The following CPLANE1 variants were observed in gnomAD, a reference collection of about 807,000 sequenced individuals.
CPLANE1 encodes ciliogenesis and planar polarity effector complex subunit 1.
CPLANE1 carries 263 observed loss-of-function variants against 362.5 expected under a neutral mutation model. That is an observed-to-expected ratio of 0.73 (90% CI 0.66 to 0.80). The LOEUF is 0.80. Among genes scored for constraint, CPLANE1 ranks in the 30% least tolerant of loss-of-function variants. CPLANE1 has a pLI of 0.00. For synonymous variants in CPLANE1, 1,212 were observed against 1,302.6 expected (o/e 0.93, Z 1.50); for missense variants, 3,461 against 3,793.4 (o/e 0.91, Z 2.30).
At chr5:37,146,602 A>G (rs1218961161) in intron 43 of CPLANE1, among the ~76,000 whole-genome samples, 1 of 152,214 alleles carries the variant, frequency 6.6e-6, no homozygotes. Context: ...AATGGACCTG[A>G]TCTTTTAGAG....
chr5:37,096,028 G>A, the CPLANE1 span, among the ~76,000 whole-genome samples: 596 of 152,152 alleles, frequency 3.9e-3, 2 homozygotes, highest in Middle Eastern at 0.01. Context: ...ATTCAGTGCA[G>A]TTCCCATCAA....
the CPLANE1 span, among the ~76,000 whole-genome samples, chr5:37,099,434 G>C: frequency 6.6e-6 from 1 of 152,068 alleles, no homozygotes; most frequent in Non-Finnish European, 1.5e-5. Flanking sequence ...GATGATTATG[G>C]CTCCCAGCTT....
chr5:37,121,534 G>T, intron 49 of CPLANE1, 83 bp downstream of exon 49: 1 of 1,292,200 alleles, frequency 7.7e-7, no homozygotes, highest in Non-Finnish European at 1.1e-6. Context: ...CAAATGCACT[G>T]AACTTAGGTC....
intron 34 of CPLANE1, 127 bp from the exon 35 acceptor site, chr5:37,167,340 A>C: frequency 1.4e-6 from 1 of 730,062 alleles, no homozygotes; most frequent in Non-Finnish European, 2.2e-6. Context: ...CAAATCAAAT[A>C]TAACAAATTG....
At chr5:37,127,302 A>G (rs1764412403) in intron 46 of CPLANE1, among the ~76,000 whole-genome samples, 1 of 152,172 alleles carries the variant, frequency 6.6e-6, no homozygotes, top group South Asian at 2.1e-4. Flanking sequence ...GGTCAGATCT[A>G]CATCAGCACT....
At chr5:37,170,963 A>G (rs1205730755) in intron 32 of CPLANE1, among the ~76,000 whole-genome samples, 1 of 152,136 alleles carries the variant, frequency 6.6e-6, no homozygotes, top group African/African-American at 2.4e-5. Flanking sequence ...GATTCCCAGA[A>G]TAAGTATATT....
In CPLANE1 at chr5:37,231,354, C is replaced by T. The variant is rs558576875; in HGVS notation, c.939-305G>A. ...CAGCACTTTGGGAGGCCGAGGCAGG[C>T]GGATCAACTGAGGTCAGGAGTTCAA... On this transcript the variant is annotated intron_variant, in intron 8 of 52. Transcript: ENST00000651892. Among the ~76,000 whole-genome samples the T allele has an allele frequency of 5.3e-5, 8 of 152,176 alleles. No individual in the cohort carries two copies. In the East Asian group the frequency reaches 5.8e-4, roughly 11 times the overall value.
chr5:37,097,569 A>G, the CPLANE1 span, among the ~76,000 whole-genome samples: 1 of 152,236 alleles, frequency 6.6e-6, no homozygotes, highest in African/African-American at 2.4e-5. Context: ...CTGTCACATT[A>G]TAGTCAAACT....
At chr5:37,224,212 C>A (rs1431851813) in intron 14 of CPLANE1, 41 bp downstream of exon 14, 1 of 1,338,934 alleles carries the variant, frequency 7.5e-7, no homozygotes, top group Admixed American at 2.2e-5. Context: ...TAAAAGGAGT[C>A]CTGCTAATAT....
At chr5:37,224,178 T>C in intron 14 of CPLANE1, 75 bp downstream of exon 14, 1 of 947,524 alleles carries the variant, frequency 1.1e-6, no homozygotes, top group Non-Finnish European at 1.6e-6. Flanking sequence ...GAATTTAGAA[T>C]TACTGTTAAG....
At chr5:37,133,271 T>TAA (rs1766522296) in intron 46 of CPLANE1, among the ~76,000 whole-genome samples, 1 of 152,220 alleles carries the variant, frequency 6.6e-6, no homozygotes, top group Non-Finnish European at 1.5e-5. Context: ...TTTGGTTCCA[T>TAA]ATGAATTTTA....
At chr5:37,126,736 C>T (rs1294667270) in intron 46 of CPLANE1, among the ~76,000 whole-genome samples, 1 of 152,174 alleles carries the variant, frequency 6.6e-6, no homozygotes, top group African/African-American at 2.4e-5. Flanking sequence ...GTGGCATGCA[C>T]CTGTAGTCCC....
At chr5:37,103,341 A>AAAGTCC (rs1348296406), downstream of CPLANE1, among the ~76,000 whole-genome samples, 529 of 152,238 alleles carry the variant, frequency 3.5e-3, 2 homozygotes, top group African/African-American at 0.012. Context: ...TATGTATTTT[A>AAAGTCC]ATTGTGGCAT....
intron 32 of CPLANE1, among the ~76,000 whole-genome samples, chr5:37,171,706 T>A (rs920335164): frequency 6.6e-6 from 1 of 151,512 alleles, no homozygotes; most frequent in African/African-American, 2.4e-5. Flanking sequence ...TCAAAAATAA[T>A]GAGCATTGAC....
In CPLANE1 at chr5:37,172,937, T is replaced by A. The variant is rs576306123; in HGVS notation, c.6171+818A>T. Among the ~76,000 whole-genome samples the A allele has an allele frequency of 2.6e-5, 4 of 152,246 alleles. No individual in the cohort carries two copies. The East Asian group carries it at 7.7e-4, about 29-fold the overall frequency. ...AGGCAGAGGTTGCAGTGAGCCGAGA[T>A]CGCGCCACTGCACTCCAGCCTGGGC... On this transcript the variant is annotated intron_variant, in intron 32 of 52. Transcript: ENST00000651892.
intron 19 of CPLANE1, 56 bp from the exon 20 acceptor site, chr5:37,198,922 T>G: frequency 6.6e-7 from 1 of 1,526,682 alleles, no homozygotes; most frequent in Admixed American, 1.8e-5. Context: ...ATTTAGAATG[T>G]TAAAATGAAA....
intron 47 of CPLANE1, among the ~76,000 whole-genome samples, chr5:37,123,033 T>C (rs1763105602): frequency 6.6e-6 from 1 of 152,216 alleles, no homozygotes; most frequent in Non-Finnish European, 1.5e-5. Flanking sequence ...ACATTTTAGG[T>C]GGAAGCACCT....
chr5:37,144,681 C>A (rs866429820), intron 43 of CPLANE1, among the ~76,000 whole-genome samples: 3 of 151,402 alleles, frequency 2.0e-5, no homozygotes, highest in Middle Eastern at 6.8e-3. Flanking sequence ...GAAACCAAGT[C>A]TCTACTAAAA....
chr5:37,169,400 C>T lies in CPLANE1; in HGVS notation c.6624G>A (p.Lys2208=), dbSNP rs1779127555. ...TTGCATGTGGGATAAGTCTAGGTGC[C>T]TTCTGAACAACAGAAGGTGTGGACA... ...YLLSTPSVVQ[K]APRLIPHAKT... Residue 2208 remains lysine (K), a synonymous_variant, in exon 34 of 53, where the codon AAG becomes AAA. Coordinates refer to ENST00000651892, the MANE Select transcript of CPLANE1 (RefSeq NM_001384732.1). 6.2e-7 allele frequency: 1 copy of T among 1,614,156 alleles called. No individual in the cohort carries two copies. Among genetic ancestry groups the T allele is most frequent in the East Asian group, 2.2e-5 (1 of 44,868 alleles).
Sources: gnomAD v4.1 joint callset for allele counts (sites outside exome capture counted in the v4.1 genomes callset) on GRCh38, gnomAD v4.1.1 for gene constraint, MANE v1.5 for transcripts, NCBI Gene and HGNC (gene_info 2026-07-23, HGNC 2026-07-21) for gene names.